The following HIF1A variants were observed in gnomAD, a reference collection of about 807,000 sequenced individuals.
The protein encoded by HIF1A is hypoxia inducible factor 1 subunit alpha.
Under a neutral mutation model 92.7 loss-of-function variants are expected in HIF1A, and 24 were observed. The observed-to-expected ratio is 0.26, with a 90% CI of 0.19 to 0.36. The LOEUF (loss-of-function observed/expected upper bound fraction) is 0.36. Among genes scored for constraint, HIF1A ranks in the 10% least tolerant of loss-of-function variants. The probability of loss-of-function intolerance (pLI) is 1.00; values close to 1 mark genes in which losing one functional copy is unlikely to be tolerated. For synonymous variants in HIF1A, 319 were observed against 338.7 expected, an observed-to-expected ratio of 0.94 and a Z score of 0.64; for missense variants, 799 against 998.5, an observed-to-expected ratio of 0.80 and a Z score of 2.69.
Position 61,747,221 on chromosome 14 carries a change from C to A in HIF1A, c.*136C>A. On this transcript the variant is annotated 3_prime_UTR_variant, in exon 15 of 15. Coordinates refer to ENST00000337138, the MANE Select transcript of HIF1A (RefSeq NM_001530.4). ...AACTTGGTTAGTTCAATTTTGATCC[C>A]CTTTCTACTTAATTTACATTAATGC... 1 of 588,972 alleles carries A rather than the reference C, an allele frequency of 1.7e-6. No individual in the cohort carries two copies. The highest frequency in any genetic ancestry group is 2.9e-6 in the Non-Finnish European group (1 of 350,004). 36.5% of individuals were successfully genotyped at this position (588,972 alleles called of 1,614,324 possible).
chr14:61,717,340 T>G (rs1389729297), intron 1 of HIF1A, among the ~76,000 whole-genome samples: 1 of 152,218 alleles, frequency 6.6e-6, no homozygotes, highest in African/African-American at 2.4e-5. Context: ...TTAGAAATGT[T>G]ATAAGACCTC....
intron 1 of HIF1A, chr14:61,697,762 C>T (rs2044132970): frequency 1.4e-6 from 2 of 1,418,552 alleles, no homozygotes; most frequent in South Asian, 1.6e-5. Context: ...AATAGATGAC[C>T]TTTTCTAACT....
chr14:61,739,739 C>T (rs1390254784), intron 10 of HIF1A, among the ~76,000 whole-genome samples: 1 of 152,078 alleles, frequency 6.6e-6, no homozygotes, highest in Non-Finnish European at 1.5e-5. Flanking sequence ...TAATAATGTA[C>T]ATTCGTTCAG....
rs1594871043 is a variant in HIF1A, at chr14:61,721,766, G to A, written c.400G>A (p.Asp134Asn). ...TGAACTAACTGGACACAGTGTGTTT[G>A]ATTTTACTCATCCATGTGACCATGA... Reference protein sequence around the residue: ...QFELTGHSVFDFTHPCDHEEM... With the variant: ...QFELTGHSVFNFTHPCDHEEM... Residue 134 changes from aspartate to asparagine, a missense_variant, in exon 4 of 15, where the codon GAT becomes AAT. Around this residue, in one of 2 missense-constraint regions of HIF1A, gnomAD observed 516 missense variants for 721.0 expected, o/e 0.72. Transcript: ENST00000337138. 2 of 1,613,458 alleles carry A rather than the reference G, an allele frequency of 1.2e-6. No homozygotes were observed. The highest frequency in any genetic ancestry group is 2.2e-5 in the South Asian group (2 of 91,054).
intron 6 of HIF1A, among the ~76,000 whole-genome samples, chr14:61,730,434 C>T (rs1247569102): frequency 1.3e-5 from 2 of 152,130 alleles, no homozygotes; most frequent in African/African-American, 4.8e-5. Context: ...ATAAACAATA[C>T]CTTCATTAAT....
At position 61,744,710 on chromosome 14, in the gene HIF1A, C is replaced by T. The variant is rs759156907; in HGVS notation, c.2099C>T (p.Thr700Ile). ...VLSVALSQRT[T>I]VPEEELNPKI... ...TAGAATTTTTTTCTTTTCAGAACTA[C>T]AGTTCCTGAGGAAGAACTAAATCCA... is the stretch of plus-strand genomic sequence containing the variant. Residue 700 changes from threonine (T) to isoleucine (I), a missense_variant, in exon 13 of 15, where the codon ACA (threonine) becomes ATA (isoleucine). Transcript: ENST00000337138. 14 of 1,475,282 alleles carry T rather than the reference C, an allele frequency of 9.5e-6. No homozygotes were observed. In the East Asian group the frequency reaches 2.3e-4, roughly 24 times the overall value. The allele number at this position is 1,475,282 out of a possible 1,614,324, so 91.4% of individuals were successfully genotyped here. A position where few individuals can be genotyped will look rare whatever the true frequency, so the allele number is the denominator to read the frequency against.
At chr14:61,737,210 C>T (rs2044648042) in intron 9 of HIF1A, 101 bp downstream of exon 9, 1 of 757,974 alleles carries the variant, frequency 1.3e-6, no homozygotes, top group Admixed American at 2.6e-5. Flanking sequence ...ATCATTTGGA[C>T]ATTACAAGCT....
At chr14:61,706,322 G>GA in intron 1 of HIF1A, among the ~76,000 whole-genome samples, 1 of 152,192 alleles carries the variant, frequency 6.6e-6, no homozygotes, top group East Asian at 1.9e-4. Context: ...CAGAGAACTG[G>GA]AAAAAAATTC....
rs1417832408 is a variant in HIF1A, at chr14:61,747,619, TA to T, written c.*536del. On this transcript the variant is annotated 3_prime_UTR_variant, in exon 15 of 15. Transcript: ENST00000337138. The stretch of plus-strand genomic sequence containing the variant: ...ATTCTGCGTTTATAAAACTAGTTTT[TA>T]AGAAGAAATTTTTTTTGGCCTATGA... The T allele has an allele frequency of 1.6e-4, 25 of 152,608 alleles. No individual in the cohort carries two copies. Among genetic ancestry groups the T allele is most frequent in the African/African-American group, 6.0e-4 (25 of 41,462 alleles). 9.5% of individuals were successfully genotyped at this position (152,608 alleles called of 1,614,324 possible).
Position 61,740,490 on chromosome 14 carries a change from T to G in HIF1A, c.1537-15T>G, listed in dbSNP as rs1002065845. On this transcript the variant is annotated splice_polypyrimidine_tract_variant and intron_variant, in intron 10 of 14. Transcript: ENST00000337138. ...AAGCTTCTTCAGGAAATAGTAAACA[T>G]ATTTCTTTTTACAGCCTAATAGTCC... The G allele has an allele frequency of 2.6e-6, 4 of 1,544,106 alleles. No individual in the cohort carries two copies. The highest frequency in any genetic ancestry group is 3.5e-6 in the Non-Finnish European group (4 of 1,141,362).
intron 1 of HIF1A, among the ~76,000 whole-genome samples, chr14:61,709,730 A>T (rs2044285213): frequency 6.6e-6 from 1 of 152,180 alleles, no homozygotes; most frequent in South Asian, 2.1e-4. Context: ...TTTCAAATTA[A>T]TTATACAGAA....
rs144168498 is a variant in HIF1A, at chr14:61,726,812, A to G, written c.564A>G (p.Thr188=). The change falls in exon 5 of 15, where the codon ACA becomes ACG. Residue 188 remains threonine (T), a synonymous_variant. Transcript: ENST00000337138. Reference sequence around the variant, plus strand: ...GAACTATGAACATAAAGTCTGCAACATGGAAGGTAAGTGAAAATTATTTGT... The same window carrying G: ...GAACTATGAACATAAAGTCTGCAACGTGGAAGGTAAGTGAAAATTATTTGT... ...RGRTMNIKSA[T]WKVLHCTGHI... is the part of the protein sequence containing the mutation. 71 of 1,560,958 alleles carry G rather than the reference A, an allele frequency of 4.5e-5. 1 individual carries two copies. The highest frequency in any genetic ancestry group is 5.8e-5 in the Non-Finnish European group (66 of 1,140,238).
chr14:61,697,769 A>T (rs2044133051), intron 1 of HIF1A: 1 of 1,432,436 alleles, frequency 7.0e-7, no homozygotes, highest in Non-Finnish European at 9.1e-7. Flanking sequence ...GACCTTTTCT[A>T]ACTAATTTAC....
intron 1 of HIF1A, among the ~76,000 whole-genome samples, chr14:61,716,495 T>A (rs1446001994): frequency 1.3e-5 from 2 of 152,328 alleles, no homozygotes; most frequent in Middle Eastern, 3.4e-3. Flanking sequence ...TGGTTTAACT[T>A]CAGTTCTTGA....
In HIF1A at chr14:61,727,330, C is replaced by A; in HGVS notation, c.571-123C>A. ...ATTGATTTTCAAAAACGTGATTAAT[C>A]CACTAGTGACAGTAAATTTTATCAA... On this transcript the variant is annotated intron_variant, in intron 5 of 14. Coordinates refer to ENST00000337138, the MANE Select transcript of HIF1A (RefSeq NM_001530.4). 5.8e-6 allele frequency: 4 copies of A among 690,702 alleles called. No homozygotes were observed. In the South Asian group the frequency reaches 7.0e-5, roughly 12 times the overall value. The allele number at this position is 690,702 out of a possible 1,614,324, so 42.8% of individuals were successfully genotyped here.
intron 1 of HIF1A, 105 bp downstream of exon 1, chr14:61,695,944 C>T: frequency 1.9e-6 from 2 of 1,069,822 alleles, no homozygotes; most frequent in Non-Finnish European, 2.7e-6. Context: ...TTGGGGGGGG[C>T]AGCCTTTTTG....
chr14:61,744,860 C>CGTGTGT lies in HIF1A; in HGVS notation c.2202+76_2202+81dup, dbSNP rs60361955. On this transcript the variant is annotated intron_variant, in intron 13 of 14. Coordinates refer to ENST00000337138, the MANE Select transcript of HIF1A (RefSeq NM_001530.4). ...TGCTTTTCTAGCTAATGTGCTATTT[C>CGTGTGT]GTGTGTGTGTGTGTGTGTGTGTGTG... 1,327 of 531,690 alleles carry CGTGTGT rather than the reference C, an allele frequency of 2.5e-3. 16 individuals are homozygous for CGTGTGT. The highest frequency in any genetic ancestry group is 0.023 in the African/African-American group (1,184 of 50,984). 32.9% of individuals were successfully genotyped at this position (531,690 alleles called of 1,614,324 possible).
At chr14:61,710,023 T>A (rs1166559103) in intron 1 of HIF1A, among the ~76,000 whole-genome samples, 3 of 152,218 alleles carry the variant, frequency 2.0e-5, no homozygotes, top group Non-Finnish European at 2.9e-5. Context: ...CACTGTATTC[T>A]GGTTTTATCT....
At chr14:61,709,611 G>C (rs1566562395) in intron 1 of HIF1A, among the ~76,000 whole-genome samples, 1 of 152,132 alleles carries the variant, frequency 6.6e-6, no homozygotes, top group African/African-American at 2.4e-5. Flanking sequence ...GTGCCGTTTA[G>C]ATAATAATGA....
Sources: allele counts gnomAD v4.1 joint callset (sites outside exome capture counted in the v4.1 genomes callset), GRCh38; gene constraint gnomAD v4.1.1; regional missense constraint gnomAD v4.1.1; transcripts MANE v1.5; gene names NCBI Gene and HGNC (gene_info 2026-07-23, HGNC 2026-07-21).